RALA: variants seen among roughly 807,000 people sequenced by gnomAD.
The protein encoded by RALA is RAS like proto-oncogene A, also known as ras-related protein Ral-A.
In RALA, 5 loss-of-function variants were observed where a neutral mutation model predicts 24.0. The observed-to-expected ratio is 0.21, with a 90% confidence interval of 0.11 to 0.44. The LOEUF is 0.44. RALA is among the 20% of genes least tolerant of loss of function. The pLI is 0.99. For synonymous variants in RALA, 77 were observed against 83.8 expected (o/e 0.92, Z 0.44); for missense variants, 95 against 241.2 (o/e 0.39, Z 4.01).
chr7:39,695,584 A>G (rs926641252), intron 3 of RALA, among the ~76,000 whole-genome samples: 56 of 151,734 alleles, frequency 3.7e-4, no homozygotes, highest in Non-Finnish European at 1.2e-4. Flanking sequence ...TCTATTTTTT[A>G]TAGATATGGG....
At chr7:39,661,628 TC>T (rs1792192759) in intron 1 of RALA, among the ~76,000 whole-genome samples, 1 of 152,246 alleles carries the variant, frequency 6.6e-6, no homozygotes, top group Admixed American at 6.5e-5. Flanking sequence ...AAAGGTGGGT[TC>T]CCATGGTCTT....
intron 1 of RALA, among the ~76,000 whole-genome samples, chr7:39,670,471 T>C (rs917101400): frequency 6.6e-6 from 1 of 152,232 alleles, no homozygotes; most frequent in Non-Finnish European, 1.5e-5. Context: ...TATTCAATTT[T>C]GTAAGCTGTT....
At chr7:39,675,678 A>G (rs1185653794) in intron 1 of RALA, among the ~76,000 whole-genome samples, 1 of 148,394 alleles carries the variant, frequency 6.7e-6, no homozygotes, top group African/African-American at 2.5e-5. Context: ...GTGAGCTGTG[A>G]TGGTACCATT....
intron 1 of RALA, among the ~76,000 whole-genome samples, chr7:39,649,278 G>A (rs1056772719): frequency 6.6e-6 from 1 of 152,168 alleles, no homozygotes; most frequent in Non-Finnish European, 1.5e-5. Context: ...CTGATGTTCA[G>A]GGGAGAGATG....
intron 4 of RALA, among the ~76,000 whole-genome samples, chr7:39,701,194 A>G (rs1793020201): frequency 6.6e-6 from 1 of 152,156 alleles, no homozygotes; most frequent in South Asian, 2.1e-4. Flanking sequence ...TCACATGCTC[A>G]CATTCTTTCT....
At position 39,706,431 on chromosome 7, in the gene RALA, C is replaced by G; in HGVS notation, c.*186C>G. The stretch of plus-strand genomic sequence containing the variant: ...TTAAAAAGAAATTAATATGGCTTCA[C>G]CAAGAAGCAAAGTTCAACTTATTTC... On this transcript the variant is annotated 3_prime_UTR_variant, in exon 5 of 5. Coordinates refer to ENST00000005257, the MANE Select transcript of RALA (RefSeq NM_005402.4). 1 of 563,492 alleles carries G rather than the reference C, an allele frequency of 1.8e-6. No individual in the cohort carries two copies. 34.9% of individuals were successfully genotyped at this position (563,492 alleles called of 1,614,324 possible). A position where few individuals can be genotyped will look rare whatever the true frequency, so the allele number is the denominator to read the frequency against.
chr7:39,685,848 T>C (rs551342940), intron 1 of RALA, among the ~76,000 whole-genome samples: 1 of 152,320 alleles, frequency 6.6e-6, no homozygotes, highest in South Asian at 2.1e-4. Flanking sequence ...AGGTCCTTAA[T>C]GTGAGGCATG....
At chr7:39,702,816 A>C (rs954109945) in intron 4 of RALA, among the ~76,000 whole-genome samples, 1 of 152,232 alleles carries the variant, frequency 6.6e-6, no homozygotes, top group African/African-American at 2.4e-5. Context: ...AGTTGATCTC[A>C]TAGAAGTAAA....
chr7:39,682,509 T>A (rs1202637596), intron 1 of RALA, among the ~76,000 whole-genome samples: 6 of 152,214 alleles, frequency 3.9e-5, no homozygotes, highest in Admixed American at 2.0e-4. Context: ...TCTAGTAAAA[T>A]CCAAACACTT....
intron 1 of RALA, among the ~76,000 whole-genome samples, chr7:39,636,028 C>T (rs1791679762): frequency 6.6e-6 from 1 of 152,218 alleles, no homozygotes; most frequent in Non-Finnish European, 1.5e-5. Context: ...CATGTTGTAG[C>T]ATGCGGCAAT....
rs1408320241 is a variant in RALA at position 39,696,587 on chromosome 7, AGAT to A, written c.324-96_324-94del. ...ATTGTGATTTGTGTACCACAGTAGT[AGAT>A]GTTAACAATAGGGAAAAATAGGTAT... On this transcript the variant is annotated intron_variant, in intron 3 of 4. Transcript: ENST00000005257. 15 of 905,736 alleles carry A rather than the reference AGAT, an allele frequency of 1.7e-5. No homozygotes were observed. The African/African-American group carries it at 2.6e-4, about 15-fold the overall frequency. 56.1% of individuals were successfully genotyped at this position (905,736 alleles called of 1,614,324 possible).
At chr7:39,641,017 A>G (rs1408097962) in intron 1 of RALA, among the ~76,000 whole-genome samples, 2 of 152,064 alleles carry the variant, frequency 1.3e-5, no homozygotes, top group African/African-American at 2.4e-5. Flanking sequence ...AGTCTTCCTC[A>G]CTAGCCCTAT....
intron 1 of RALA, among the ~76,000 whole-genome samples, chr7:39,640,842 T>G (rs1791801185): frequency 6.6e-6 from 1 of 152,234 alleles, no homozygotes; most frequent in African/African-American, 2.4e-5. Flanking sequence ...TTAGGACTCT[T>G]TCAGTTGTAA....
intron 1 of RALA, among the ~76,000 whole-genome samples, chr7:39,625,580 G>A (rs1791470815): frequency 6.6e-6 from 1 of 152,172 alleles, no homozygotes; most frequent in Admixed American, 6.5e-5. Context: ...TTTACCAATA[G>A]CCTCTTTTAC....
intron 1 of RALA, among the ~76,000 whole-genome samples, chr7:39,673,661 C>G (rs1335591565): frequency 2.6e-5 from 4 of 152,062 alleles, no homozygotes; most frequent in Non-Finnish European, 4.4e-5. Context: ...TTTGGTCTTT[C>G]TAGGTATGAA....
At chr7:39,689,116 A>G (rs1384560238) in intron 2 of RALA, among the ~76,000 whole-genome samples, 2 of 152,152 alleles carry the variant, frequency 1.3e-5, no homozygotes, top group African/African-American at 4.8e-5. Flanking sequence ...TCCCTCCCCC[A>G]GCATTGGGAA....
Position 39,690,459 on chromosome 7 carries a change from C to A in RALA, c.192C>A (p.Ile64=). The change falls in exon 3 of 5, where the codon ATC becomes ATA. Residue 64 remains isoleucine (I), a synonymous_variant. Coordinates refer to ENST00000005257, the MANE Select transcript of RALA (RefSeq NM_005402.4). ...TGCTAGATGGGGAGGAAGTCCAGAT[C>A]GATATCTTAGATACAGCTGGGCAGG... The part of the protein sequence containing the change: ...KVVLDGEEVQ[I]DILDTAGQED... 1 of 1,613,964 alleles carries A rather than the reference C, an allele frequency of 6.2e-7. No individual in the cohort carries two copies. Among genetic ancestry groups the A allele is most frequent in the Non-Finnish European group, 8.5e-7 (1 of 1,179,874 alleles).
intron 1 of RALA, among the ~76,000 whole-genome samples, chr7:39,648,739 T>A (rs545244806): frequency 3.3e-5 from 5 of 152,260 alleles, no homozygotes; most frequent in African/African-American, 7.2e-5. Context: ...AGCCAATCAG[T>A]TGTGGGCTGT....
intron 3 of RALA, among the ~76,000 whole-genome samples, chr7:39,694,343 G>A (rs1253198389): frequency 2.6e-5 from 4 of 152,162 alleles, no homozygotes; most frequent in African/African-American, 9.7e-5. Flanking sequence ...GCTTGCCCCA[G>A]GTTGTGCAGT....
Sources: allele counts gnomAD v4.1 joint callset (sites outside exome capture counted in the v4.1 genomes callset), GRCh38; gene constraint gnomAD v4.1.1; transcripts MANE v1.5; gene names NCBI Gene and HGNC (gene_info 2026-07-23, HGNC 2026-07-21).